The following AVPI1 variants were observed in gnomAD, a reference collection of about 807,000 sequenced individuals.
AVPI1 encodes arginine vasopressin-induced protein 1.
A neutral mutation model predicts 11.9 loss-of-function variants in AVPI1; 9 were observed. The observed-to-expected ratio is 0.76, with a 90% confidence interval of 0.46 to 1.32. AVPI1 has a LOEUF of 1.32. AVPI1 is among the 40% of genes most tolerant of loss of function. AVPI1 has a pLI of 0.00. For synonymous variants in AVPI1, 68 were observed against 78.1 expected, an observed-to-expected ratio of 0.87 and a Z score of 0.68; for missense variants, 207 against 195.8, an observed-to-expected ratio of 1.06 and a Z score of -0.34.
chr10:97,677,959 C>T lies in AVPI1; in HGVS notation c.354G>A (p.Gln118=). The T allele has an allele frequency of 6.2e-7, 1 of 1,614,224 alleles. No individual in the cohort carries two copies. The highest frequency in any genetic ancestry group is 8.5e-7 in the Non-Finnish European group (1 of 1,180,046). ...CACTTTTCTTCCTAGAGTGCAGATA[C>T]TGCTCACTGGAGGCTGTCTCTGTGG... The part of the protein sequence containing the change: ...QSATETASSE[Q]YLHSRKKSAR... The change falls in exon 3 of 3, where the codon CAG becomes CAA. Residue 118 remains glutamine, a synonymous_variant. Transcript: ENST00000370626.
chr10:97,679,056 A>T, intron 2 of AVPI1, among the ~76,000 whole-genome samples: 1 of 145,242 alleles, frequency 6.9e-6, no homozygotes, highest in East Asian at 2.1e-4. Flanking sequence ...GAATAACGGC[A>T]GAATGAGGTG....
chr10:97,678,912 T>TTTTCAGAGACA (rs1564779812), intron 2 of AVPI1, among the ~76,000 whole-genome samples: 2 of 10,026 alleles, frequency 2.0e-4, no homozygotes, highest in South Asian at 4.5e-3. Flanking sequence ...TGTGTGTGTG[T>TTTTCAGAGACA]GTGTGTGTGT....
chr10:97,677,576 G>T lies in AVPI1; in HGVS notation c.*293C>A. 3 of 345,448 alleles carry T rather than the reference G, an allele frequency of 8.7e-6. No homozygotes were observed. The South Asian group carries it at 1.4e-4, about 16-fold the overall frequency. The allele number at this position is 345,448 out of a possible 1,614,324, so 21.4% of individuals were successfully genotyped here. ...GAGTGGTGAAATGCTGCATCTAAGT[G>T]CCTGTCACTTTGCTCCCAGGGGAAT... is the stretch of plus-strand genomic sequence containing the variant. On this transcript the variant is annotated 3_prime_UTR_variant, in exon 3 of 3. Transcript: ENST00000370626.
intron 1 of AVPI1, among the ~76,000 whole-genome samples, chr10:97,681,904 A>AG (rs1041897521): frequency 2.0e-5 from 3 of 151,210 alleles, no homozygotes; most frequent in Non-Finnish European, 3.0e-5. Context: ...GAAAAAAAAA[A>AG]AAAAAAGAAA....
chr10:97,678,069 A>G (rs749806834), intron 2 of AVPI1, 44 bp from the exon 3 acceptor site: 3 of 1,583,120 alleles, frequency 1.9e-6, no homozygotes, highest in Non-Finnish European at 2.6e-6. Flanking sequence ...AATAGGAAGA[A>G]TGGAATGGGG....
chr10:97,678,217 G>T (rs1176811839), intron 2 of AVPI1, among the ~76,000 whole-genome samples, 192 bp from the exon 3 acceptor site: 1 of 152,210 alleles, frequency 6.6e-6, no homozygotes, highest in Non-Finnish European at 1.5e-5. Flanking sequence ...CAGTAGAAAG[G>T]GTTGGACCAG....
In AVPI1 at chr10:97,680,316, C is replaced by T. The variant is rs565187278; in HGVS notation, c.-10-401G>A. 2.0e-5 allele frequency among the ~76,000 whole-genome samples: 3 copies of T among 152,324 alleles called. No homozygotes were observed. In the South Asian group the frequency reaches 6.2e-4, roughly 32 times the overall value. ...GAGTACTTATACCAGGCACCTGTAACAGCTTGCTTCACATAGTATCAATGA... is the reference window on the plus strand; with the variant it reads ...GAGTACTTATACCAGGCACCTGTAATAGCTTGCTTCACATAGTATCAATGA... On this transcript the variant is annotated intron_variant, in intron 1 of 2. Coordinates refer to ENST00000370626, the MANE Select transcript of AVPI1 (RefSeq NM_021732.3).
chr10:97,678,780 T>A (rs1025691331), intron 2 of AVPI1, among the ~76,000 whole-genome samples: 3 of 151,782 alleles, frequency 2.0e-5, no homozygotes, highest in Admixed American at 6.6e-5. Context: ...CTCAAACTCC[T>A]GGCCTCAAGT....
intron 1 of AVPI1, among the ~76,000 whole-genome samples, chr10:97,683,797 C>T (rs1014658778): frequency 2.6e-5 from 4 of 152,254 alleles, no homozygotes; most frequent in African/African-American, 4.8e-5. Context: ...TCAGAGGAGT[C>T]GGTTCAAGCC....
At chr10:97,678,938 T>TGGGGGGGG in intron 2 of AVPI1, among the ~76,000 whole-genome samples, 1 of 33,680 alleles carries the variant, frequency 3.0e-5, no homozygotes, top group Admixed American at 3.9e-4. Flanking sequence ...TGTGTGTGTG[T>TGGGGGGGG]GTGTGTGTGT....
At chr10:97,679,303 C>G (rs1246996875) in intron 2 of AVPI1, among the ~76,000 whole-genome samples, 1 of 151,920 alleles carries the variant, frequency 6.6e-6, no homozygotes, top group Non-Finnish European at 1.5e-5. Context: ...TGCCACCACA[C>G]CCAGCTAATT....
At position 97,678,949 on chromosome 10, in the gene AVPI1, G is replaced by GACAGGA. The variant is rs1564779892; in HGVS notation, c.287+669_287+670insTCCTGT. Among the ~76,000 whole-genome samples, 59 of 38,892 alleles carry GACAGGA rather than the reference G, an allele frequency of 1.5e-3. 9 individuals are homozygous for GACAGGA. The highest frequency in any genetic ancestry group is 0.012 in the East Asian group (19 of 1,534). 25.5% of individuals were successfully genotyped at this position (38,892 alleles called of 152,430 possible). On this transcript the variant is annotated intron_variant, in intron 2 of 2. Transcript: ENST00000370626. ...TGTGTGTGTGTGTGTGTGTGTGTGT[G>GACAGGA]TGTGTGTGTGTGTGTGTGTGTGTGT... is the stretch of plus-strand genomic sequence containing the variant.
At chr10:97,682,609 C>T (rs1057490781) in intron 1 of AVPI1, among the ~76,000 whole-genome samples, 2 of 152,048 alleles carry the variant, frequency 1.3e-5, no homozygotes, top group East Asian at 1.9e-4. Context: ...TGACTCCCCC[C>T]CTTGCCCTGG....
chr10:97,679,564 G>A (rs2041691581), intron 2 of AVPI1, 55 bp downstream of exon 2: 5 of 1,528,066 alleles, frequency 3.3e-6, no homozygotes, highest in Admixed American at 2.0e-5. Flanking sequence ...CAGCCATGCA[G>A]TGGTGGAACA....
intron 1 of AVPI1, among the ~76,000 whole-genome samples, chr10:97,682,114 C>T (rs1329643030): frequency 6.6e-6 from 1 of 152,202 alleles, no homozygotes; most frequent in Non-Finnish European, 1.5e-5. Context: ...CCTGGAACCA[C>T]CCTCCATGGA....
At chr10:97,678,944 T>C (rs2041684822) in intron 2 of AVPI1, among the ~76,000 whole-genome samples, 2 of 50,332 alleles carry the variant, frequency 4.0e-5, no homozygotes, top group African/African-American at 1.7e-4. Context: ...TGTGTGTGTG[T>C]GTGTGTGTGT....
At position 97,678,948 on chromosome 10, in the gene AVPI1, T is replaced by TCA. The variant is rs1564779887; in HGVS notation, c.287+670_287+671insTG. ...GTGTGTGTGTGTGTGTGTGTGTGTG[T>TCA]GTGTGTGTGTGTGTGTGTGTGTGTG... On this transcript the variant is annotated intron_variant, in intron 2 of 2. Transcript: ENST00000370626. Among the ~76,000 whole-genome samples the TCA allele has an allele frequency of 1.2e-3, 48 of 40,016 alleles. 8 individuals are homozygous for TCA. In the East Asian group the frequency reaches 0.015, roughly 13 times the overall value. 26.3% of individuals were successfully genotyped at this position (40,016 alleles called of 152,430 possible). A position where few individuals can be genotyped will look rare whatever the true frequency, so the allele number is the denominator to read the frequency against.
At chr10:97,678,929 G>C (rs1589942545) in intron 2 of AVPI1, among the ~76,000 whole-genome samples, 3 of 31,662 alleles carry the variant, frequency 9.5e-5, no homozygotes, top group Non-Finnish European at 1.3e-4. Flanking sequence ...GTGTGTGTGT[G>C]TGTGTGTGTG....
At chr10:97,678,955 G>T (rs1564779924) in intron 2 of AVPI1, among the ~76,000 whole-genome samples, 8,747 of 57,624 alleles carry the variant, frequency 0.15, 2,014 homozygotes, top group South Asian at 0.33. Flanking sequence ...GTGTGTGTGT[G>T]TGTGTGTGTG....
Sources: allele counts gnomAD v4.1 joint callset (sites outside exome capture counted in the v4.1 genomes callset), GRCh38; gene constraint gnomAD v4.1.1; transcripts MANE v1.5; gene names NCBI Gene and HGNC (gene_info 2026-07-23, HGNC 2026-07-21).